The following CNTNAP2 variants were observed in gnomAD, a reference collection of about 807,000 sequenced individuals.
The protein encoded by CNTNAP2 is contactin-associated protein-like 2.
In CNTNAP2, 98 loss-of-function variants were observed where a neutral mutation model predicts 155.2. The ratio of observed to expected loss-of-function variants is 0.63; its 90% confidence interval spans 0.54 to 0.75. The LOEUF (loss-of-function observed/expected upper bound fraction) is 0.75. Among genes scored for constraint, CNTNAP2 ranks in the 30% least tolerant of loss-of-function variants. The pLI is 0.00. For missense variants in CNTNAP2, 1,727 were observed against 1,688.1 expected (o/e 1.02, Z -0.40); for synonymous variants, 651 against 631.2 (o/e 1.03, Z -0.47).
chr7:147,674,328 A>G (rs760019640), intron 13 of CNTNAP2, among the ~76,000 whole-genome samples: 3 of 152,176 alleles, frequency 2.0e-5, no homozygotes, highest in Non-Finnish European at 4.4e-5. Context: ...CTTAGAGAGC[A>G]TATTTTTTAG....
At chr7:147,174,620 T>C (rs1194207564) in intron 8 of CNTNAP2, among the ~76,000 whole-genome samples, 3 of 152,166 alleles carry the variant, frequency 2.0e-5, no homozygotes, top group African/African-American at 7.2e-5. Context: ...ATGGTGATAT[T>C]ACTATACTGA....
chr7:147,676,818 C>T (rs1242052354), intron 13 of CNTNAP2, among the ~76,000 whole-genome samples: 6 of 151,874 alleles, frequency 4.0e-5, no homozygotes, highest in Non-Finnish European at 5.9e-5. Flanking sequence ...CAGGTTCATC[C>T]ATGTTGTCAC....
intron 1 of CNTNAP2, among the ~76,000 whole-genome samples, chr7:146,766,744 A>T (rs1401035542): frequency 1.3e-5 from 2 of 152,158 alleles, no homozygotes; most frequent in Non-Finnish European, 2.9e-5. Context: ...TATTACTATC[A>T]ATTGATTCGT....
chr7:148,262,879 G>C (rs776721085), intron 20 of CNTNAP2, among the ~76,000 whole-genome samples: 21 of 152,138 alleles, frequency 1.4e-4, no homozygotes, highest in Non-Finnish European at 2.6e-4. Context: ...CGATGCTGCT[G>C]TTCTGAATTA....
intron 1 of CNTNAP2, among the ~76,000 whole-genome samples, chr7:146,271,904 G>A (rs1800088399): frequency 6.6e-6 from 1 of 152,000 alleles, no homozygotes; most frequent in Non-Finnish European, 1.5e-5. Flanking sequence ...ATTAAAGTTG[G>A]TTTACATTAG....
At chr7:147,878,714 G>A (rs902779200) in intron 13 of CNTNAP2, among the ~76,000 whole-genome samples, 2 of 152,042 alleles carry the variant, frequency 1.3e-5, no homozygotes, top group Admixed American at 1.3e-4. Context: ...ATTTCATTCT[G>A]GAAAGAATAA....
chr7:147,474,999 C>T (rs1798291043), intron 10 of CNTNAP2, among the ~76,000 whole-genome samples: 1 of 152,192 alleles, frequency 6.6e-6, no homozygotes, highest in Admixed American at 6.5e-5. Flanking sequence ...AAACGCTGTT[C>T]TGTCCCTCTT....
intron 9 of CNTNAP2, among the ~76,000 whole-genome samples, chr7:147,392,969 CAA>C (rs1277131559): frequency 2.0e-5 from 3 of 151,950 alleles, no homozygotes; most frequent in South Asian, 2.1e-4. Context: ...TAATTTCAAA[CAA>C]TGATGAATAT....
At chr7:146,810,338 T>A (rs1803042214) in intron 2 of CNTNAP2, among the ~76,000 whole-genome samples, 1 of 151,588 alleles carries the variant, frequency 6.6e-6, no homozygotes, top group Non-Finnish European at 1.5e-5. Context: ...GGTATTTTCA[T>A]TTATTTGGGG....
At chr7:147,258,390 CTA>C (rs982357778) in intron 8 of CNTNAP2, among the ~76,000 whole-genome samples, 4 of 152,060 alleles carry the variant, frequency 2.6e-5, no homozygotes, top group African/African-American at 9.7e-5. Context: ...CAACTTGAAA[CTA>C]TATAACAATA....
At chr7:148,136,629 A>T (rs1251437486) in intron 16 of CNTNAP2, among the ~76,000 whole-genome samples, 1 of 152,228 alleles carries the variant, frequency 6.6e-6, no homozygotes. Context: ...TAGTACTGCT[A>T]ACCGATGACC....
At chr7:147,478,584 A>G (rs1183848606) in intron 10 of CNTNAP2, among the ~76,000 whole-genome samples, 1 of 152,112 alleles carries the variant, frequency 6.6e-6, no homozygotes, top group Non-Finnish European at 1.5e-5. Context: ...TTACTTAGAT[A>G]TTTTCCTTTC....
chr7:147,066,555 T>A (rs1040927283), intron 4 of CNTNAP2, among the ~76,000 whole-genome samples: 3 of 152,364 alleles, frequency 2.0e-5, no homozygotes, highest in African/African-American at 4.8e-5. Context: ...AGATTTTAAG[T>A]TTCCTAAAAT....
chr7:147,159,214 T>C (rs1036085086), intron 8 of CNTNAP2, among the ~76,000 whole-genome samples: 4 of 152,118 alleles, frequency 2.6e-5, no homozygotes, highest in African/African-American at 9.7e-5. Flanking sequence ...TGGGAAGTCA[T>C]GTGTATCTTT....
At chr7:146,942,252 A>G (rs1051007571) in intron 3 of CNTNAP2, among the ~76,000 whole-genome samples, 4 of 152,168 alleles carry the variant, frequency 2.6e-5, no homozygotes, top group African/African-American at 9.6e-5. Context: ...TAACTAAACT[A>G]TCAGTGAAAC....
intron 20 of CNTNAP2, among the ~76,000 whole-genome samples, chr7:148,258,913 C>T (rs897024616): frequency 6.6e-6 from 1 of 151,850 alleles, no homozygotes; most frequent in Non-Finnish European, 1.5e-5. Context: ...CACGGTGGCT[C>T]ACACCTGTAA....
At chr7:147,220,095 A>C (rs1460495546) in intron 8 of CNTNAP2, among the ~76,000 whole-genome samples, 1 of 151,890 alleles carries the variant, frequency 6.6e-6, no homozygotes, top group African/African-American at 2.4e-5. Flanking sequence ...GGCAGGCTGC[A>C]TCACTTCTTA....
At chr7:148,328,733 G>A (rs949095784) in intron 21 of CNTNAP2, among the ~76,000 whole-genome samples, 4 of 151,994 alleles carry the variant, frequency 2.6e-5, no homozygotes, top group African/African-American at 9.7e-5. Context: ...ACTGTGGGAG[G>A]CCGAGGCGGG....
At chr7:146,675,169 A>AG (rs1800376965) in intron 1 of CNTNAP2, among the ~76,000 whole-genome samples, 1 of 84,540 alleles carries the variant, frequency 1.2e-5, no homozygotes, top group African/African-American at 2.9e-5. Flanking sequence ...TAGATGTTTG[A>AG]GAAAAAAAAA....
Sources: allele counts gnomAD v4.1 joint callset (sites outside exome capture counted in the v4.1 genomes callset), GRCh38; gene constraint gnomAD v4.1.1; transcripts MANE v1.5; gene names NCBI Gene and HGNC (gene_info 2026-07-23, HGNC 2026-07-21).